The following POLD1 variants were observed in gnomAD, a reference collection of about 807,000 sequenced individuals.
POLD1 encodes the protein DNA polymerase delta 1, catalytic subunit.
POLD1 carries 79 observed loss-of-function variants against 129.7 expected under a neutral mutation model. That is an observed-to-expected ratio of 0.61 (90% confidence interval 0.51 to 0.73). The LOEUF (loss-of-function observed/expected upper bound fraction) is 0.73, where lower values mean the gene tolerates loss of function less well. Ranked by LOEUF, POLD1 falls within the 30% of genes least tolerant of loss-of-function variation. POLD1 has a pLI of 0.00. For missense variants in POLD1, 1,338 were observed against 1,595.8 expected (o/e 0.84, Z 2.75); for synonymous variants, 714 against 683.3 (o/e 1.04, Z -0.70).
chr19:50,384,432 G>A (rs1282439539), intron 1 of POLD1, 42 bp downstream of exon 1: 1 of 152,730 alleles, frequency 6.5e-6, no homozygotes, highest in Non-Finnish European at 1.5e-5. Flanking sequence ...AGTGGGCCTG[G>A]TAGGGAACGG....
In POLD1 at chr19:50,402,263, G is replaced by A. The variant is rs754948565; in HGVS notation, c.648G>A (p.Leu216=). The change falls in exon 6 of 27, where the codon CTG becomes CTA. Residue 216 remains leucine (L), a synonymous_variant. Coordinates refer to ENST00000440232, the MANE Select transcript of POLD1 (RefSeq NM_002691.4). ...CGTTCCTGCGCATCACCGTGGCGCT[G>A]CCGCGCCTCGTGGCCCCGGCCCGCC... is the stretch of plus-strand genomic sequence containing the variant. ...PSPFLRITVA[L]PRLVAPARRL... The A allele has an allele frequency of 4.4e-6, 7 of 1,603,730 alleles. No individual in the cohort carries two copies. Among genetic ancestry groups the A allele is most frequent in the South Asian group, 1.1e-5 (1 of 89,624 alleles).
At chr19:50,417,309 C>T (rs1262476241) in intron 26 of POLD1, 40 bp downstream of exon 26, 5 of 1,403,810 alleles carry the variant, frequency 3.6e-6, no homozygotes, top group Non-Finnish European at 3.9e-6. Context: ...CCCGCCCCTT[C>T]CCAGCTCCCA....
At chr19:50,391,688 G>GCGGGGAGAGGGA (rs1196185535) in intron 1 of POLD1, among the ~76,000 whole-genome samples, 1 of 148,358 alleles carries the variant, frequency 6.7e-6, no homozygotes, top group African/African-American at 2.6e-5. Context: ...GAGACTGAGA[G>GCGGGGAGAGGGA]GGGGGAGGGG....
chr19:50,409,715 G>T lies in POLD1; in HGVS notation c.2154+49G>T, dbSNP rs766641646. The T allele has an allele frequency of 6.7e-5, 103 of 1,546,514 alleles. No homozygotes were observed. The East Asian group carries it at 2.2e-3, about 34-fold the overall frequency. The stretch of plus-strand genomic sequence containing the variant: ...GCAACTGGGGGCAGGTGGGCCCCCT[G>T]TGTAGGAGACCAGGGCTCCATGTGG... On this transcript the variant is annotated intron_variant, in intron 17 of 26. Coordinates refer to ENST00000440232, the MANE Select transcript of POLD1 (RefSeq NM_002691.4). The surrounding 1 kb of genome is among the most constrained non-coding windows in gnomAD (Gnocchi z 5.8).
chr19:50,394,132 C>T (rs1227582797), intron 1 of POLD1: 1 of 152,252 alleles, frequency 6.6e-6, no homozygotes, highest in Non-Finnish European at 1.5e-5. Flanking sequence ...TTGTCCCTGT[C>T]CTTGTGGTTG....
In POLD1 at chr19:50,391,513, C is replaced by T. The variant is rs373971281; in HGVS notation, c.-2+7123C>T. ...GAGCTGGAGACCAGCCCGGCCAACACGGCGAAACCCCGTCTCCACCAAAAA... is the reference window on the plus strand; with the variant it reads ...GAGCTGGAGACCAGCCCGGCCAACATGGCGAAACCCCGTCTCCACCAAAAA... On this transcript the variant is annotated intron_variant, in intron 1 of 26. Coordinates refer to ENST00000440232, the MANE Select transcript of POLD1 (RefSeq NM_002691.4). Among the ~76,000 whole-genome samples the T allele has an allele frequency of 1.0e-3, 158 of 152,282 alleles. 2 individuals carry two copies. The East Asian group carries it at 0.024, about 23-fold the overall frequency.
Position 50,401,775 on chromosome 19 carries a change from C to T in POLD1, c.317-3C>T, listed in dbSNP as rs1601198088. 1 of 1,611,770 alleles carries T rather than the reference C, an allele frequency of 6.2e-7. No individual in the cohort carries two copies. ...GCCGCTGTCTTACCCTGTGACCCCA[C>T]AGGCCCAGCGCAGCCTGTGCCTGGG... On this transcript the variant is annotated splice_polypyrimidine_tract_variant and splice_region_variant and intron_variant, in intron 3 of 26. Transcript: ENST00000440232.
intron 17 of POLD1, 88 bp from the exon 18 acceptor site, chr19:50,413,338 T>C: frequency 9.4e-7 from 1 of 1,064,434 alleles, no homozygotes; most frequent in Non-Finnish European, 1.4e-6. Flanking sequence ...CACTGGGAAA[T>C]GGCAGAGGCG....
intron 10 of POLD1, among the ~76,000 whole-genome samples, chr19:50,405,852 C>T (rs534330415): frequency 6.6e-6 from 1 of 152,306 alleles, no homozygotes; most frequent in African/African-American, 2.4e-5. Flanking sequence ...TCTGCCCCCA[C>T]CTGGCCGCCT....
chr19:50,392,638 T>G (rs1443801924), intron 1 of POLD1, among the ~76,000 whole-genome samples: 1 of 149,076 alleles, frequency 6.7e-6, no homozygotes, highest in Non-Finnish European at 1.5e-5. Flanking sequence ...CCACCACGCC[T>G]GGCTAATTTT....
rs1162583403 is a variant in POLD1, at chr19:50,406,328, G to A, written c.1383+6G>A. ...TGCAGATGGACATGCTGCAGGTATG[G>A]GCGGGAGGTGGGGTGTGTCCCTGTC... On this transcript the variant is annotated splice_donor_region_variant and intron_variant, in intron 11 of 26. Transcript: ENST00000440232. This position sits in a 1 kb window ranked among gnomAD's most constrained non-coding sequence, Gnocchi z 5.5. 20 of 1,613,730 alleles carry A rather than the reference G, an allele frequency of 1.2e-5. No individual in the cohort carries two copies. The highest frequency in any genetic ancestry group is 1.7e-5 in the Non-Finnish European group (20 of 1,179,826).
At chr19:50,398,723 C>T in intron 1 of POLD1, 128 bp from the exon 2 acceptor site, 1 of 1,434,588 alleles carries the variant, frequency 7.0e-7, no homozygotes, top group Non-Finnish European at 9.3e-7. Flanking sequence ...GTGCAGAGAG[C>T]TATGTTAGTA....
At chr19:50,388,253 G>A (rs921133065) in intron 1 of POLD1, among the ~76,000 whole-genome samples, 2 of 152,130 alleles carry the variant, frequency 1.3e-5, no homozygotes, top group African/African-American at 4.8e-5. Flanking sequence ...TGTGGTGATG[G>A]TTGCCTAACT....
chr19:50,407,201 A>G, intron 13 of POLD1, 27 bp downstream of exon 13: 1 of 1,578,810 alleles, frequency 6.3e-7, no homozygotes, highest in Non-Finnish European at 8.6e-7. Flanking sequence ...TGTCCTCGCC[A>G]CCCCCCACCA....
At chr19:50,416,271 A>G in intron 22 of POLD1, 125 bp from the exon 23 acceptor site, 1 of 981,012 alleles carries the variant, frequency 1.0e-6, no homozygotes. Context: ...TCCCAGACCC[A>G]GGCCCCCCCC....
chr19:50,405,209 C>T (rs2038832086), intron 10 of POLD1, among the ~76,000 whole-genome samples: 1 of 152,194 alleles, frequency 6.6e-6, no homozygotes, highest in Non-Finnish European at 1.5e-5. Flanking sequence ...GTGCACCTAG[C>T]CCACATGTCC....
chr19:50,416,928 C>T (rs2039319824), intron 24 of POLD1, 117 bp from the exon 25 acceptor site: 10 of 1,201,024 alleles, frequency 8.3e-6, no homozygotes, highest in East Asian at 2.6e-5. Flanking sequence ...AGCACACTTG[C>T]TCCGTTGTTC....
intron 8 of POLD1, 109 bp from the exon 9 acceptor site, chr19:50,402,944 A>AGGGC: frequency 7.0e-7 from 1 of 1,419,254 alleles, no homozygotes; most frequent in Non-Finnish European, 9.6e-7. Flanking sequence ...TGAGCCACGT[A>AGGGC]GGGCCGGCAG....
chr19:50,414,030 A>T (rs2039188151), intron 19 of POLD1, 151 bp downstream of exon 19: 1 of 774,698 alleles, frequency 1.3e-6, no homozygotes, highest in Non-Finnish European at 1.9e-6. Context: ...GAAGCCTCCA[A>T]GGCCTTGGGC....
Sources: gnomAD v4.1 joint callset for allele counts (sites outside exome capture counted in the v4.1 genomes callset) on GRCh38, gnomAD v4.1.1 for gene constraint, Gnocchi (gnomAD v3.1) non-coding constraint, MANE v1.5 for transcripts, NCBI Gene and HGNC (gene_info 2026-07-23, HGNC 2026-07-21) for gene names.